The following SH3PXD2B variants were observed in gnomAD, a reference collection of about 807,000 sequenced individuals.
SH3PXD2B encodes the protein SH3 and PX domains 2B, also known as SH3 and PX domain-containing protein 2B.
Under a neutral mutation model 73.1 loss-of-function variants are expected in SH3PXD2B, and 37 were observed. That is an observed-to-expected ratio of 0.51 (90% CI 0.39 to 0.67). The LOEUF (loss-of-function observed/expected upper bound fraction) is 0.67, where lower values mean the gene tolerates loss of function less well. SH3PXD2B is among the 30% of genes least tolerant of loss of function. SH3PXD2B has a pLI of 0.00. For synonymous variants in SH3PXD2B, 457 were observed against 480.5 expected, an observed-to-expected ratio of 0.95 and a Z score of 0.64; for missense variants, 1,053 against 1,197.8, an observed-to-expected ratio of 0.88 and a Z score of 1.78.
chr5:172,384,718 T>C (rs773060506), intron 4 of SH3PXD2B, among the ~76,000 whole-genome samples: 1 of 152,236 alleles, frequency 6.6e-6, no homozygotes, highest in South Asian at 2.1e-4. Flanking sequence ...TAATATTCCA[T>C]TGTCTGGATA....
chr5:172,454,234 C>T, intron 1 of SH3PXD2B, 44 bp downstream of exon 1: 1 of 1,552,326 alleles, frequency 6.4e-7, no homozygotes, highest in Non-Finnish European at 8.7e-7. Context: ...TCGCCCCCGA[C>T]GGGGCGCGGG....
rs1345354139 is a variant in SH3PXD2B at position 172,346,259 on chromosome 5, A to C, written c.1065T>G (p.Pro355=). ...RPPPRRDMTI[P]RGLNLPKPPI... is the part of the protein sequence containing the mutation. ...GCGGCTTCGGCAGGTTGAGGCCTCG[A>C]GGCTGGTACGATCACACACAGGGTT... Residue 355 remains proline, a splice_region_variant and synonymous_variant, in exon 12 of 13, where the codon CCT becomes CCG. Coordinates refer to ENST00000311601, the MANE Select transcript of SH3PXD2B (RefSeq NM_001017995.3). The C allele has an allele frequency of 6.2e-7, 1 of 1,613,718 alleles. No individual in the cohort carries two copies. Among genetic ancestry groups the C allele is most frequent in the Admixed American group, 1.7e-5 (1 of 60,014 alleles).
intron 4 of SH3PXD2B, among the ~76,000 whole-genome samples, chr5:172,392,547 G>C (rs997491293): frequency 1.1e-4 from 16 of 151,950 alleles, no homozygotes; most frequent in African/African-American, 3.9e-4. Context: ...CGAAGTGGGT[G>C]GATCACTTGA....
At chr5:172,412,413 C>T (rs1486539436) in intron 2 of SH3PXD2B, among the ~76,000 whole-genome samples, 1 of 152,202 alleles carries the variant, frequency 6.6e-6, no homozygotes, top group Non-Finnish European at 1.5e-5. Flanking sequence ...CATTTAAATA[C>T]CCTCATGTGA....
chr5:172,427,564 C>T (rs1372368091), intron 1 of SH3PXD2B, among the ~76,000 whole-genome samples: 1 of 152,006 alleles, frequency 6.6e-6, no homozygotes, highest in Non-Finnish European at 1.5e-5. Context: ...GTTGCCTAGG[C>T]TGTTATCGAA....
intron 2 of SH3PXD2B, among the ~76,000 whole-genome samples, chr5:172,412,380 T>G (rs931591096): frequency 3.9e-5 from 6 of 152,194 alleles, no homozygotes; most frequent in Non-Finnish European, 5.9e-5. Context: ...ATTTAAAAAT[T>G]TTCTTTAATT....
At chr5:172,450,738 C>T (rs80090829) in intron 1 of SH3PXD2B, among the ~76,000 whole-genome samples, 5,585 of 151,872 alleles carry the variant, frequency 0.037, 351 homozygotes, top group African/African-American at 0.13. Context: ...ACCCACAAAT[C>T]CTACCTGGAG....
intron 3 of SH3PXD2B, 40 bp from the exon 4 acceptor site, chr5:172,394,679 AGGGACAAGCT>A (rs1280240886): frequency 1.2e-6 from 2 of 1,607,254 alleles, no homozygotes; most frequent in South Asian, 2.2e-5. Flanking sequence ...GTCAGGGAAC[AGGGACAAGCT>A]CTCAGCAACC....
intron 1 of SH3PXD2B, among the ~76,000 whole-genome samples, chr5:172,451,805 G>A (rs892515631): frequency 3.9e-5 from 6 of 152,262 alleles, no homozygotes; most frequent in South Asian, 4.2e-4. Context: ...AGCAGCGGTC[G>A]CCCACCACAG....
intron 1 of SH3PXD2B, among the ~76,000 whole-genome samples, chr5:172,434,256 G>A (rs1348100632): frequency 2.0e-5 from 3 of 152,150 alleles, no homozygotes; most frequent in Non-Finnish European, 4.4e-5. Context: ...CAAATATTAT[G>A]TATCAATAAA....
At chr5:172,379,967 C>CTT (rs1757907605) in intron 5 of SH3PXD2B, among the ~76,000 whole-genome samples, 1 of 152,214 alleles carries the variant, frequency 6.6e-6, no homozygotes, top group African/African-American at 2.4e-5. Context: ...CTCTTCCAAA[C>CTT]TGTGCCTCTC....
chr5:172,348,654 CCTATCTAT>C (rs55939833), intron 10 of SH3PXD2B, among the ~76,000 whole-genome samples: 3,470 of 60,212 alleles, frequency 0.058, 76 homozygotes, highest in East Asian at 0.14. Context: ...ATCTATCTAT[CCTATCTAT>C]CTATCTATCT....
chr5:172,406,768 A>C (rs1440730189), intron 2 of SH3PXD2B, among the ~76,000 whole-genome samples: 2 of 152,352 alleles, frequency 1.3e-5, no homozygotes, highest in East Asian at 3.9e-4. Context: ...TTATGAGGGC[A>C]CTATATTCCC....
At chr5:172,450,163 A>G (rs1561588247) in intron 1 of SH3PXD2B, among the ~76,000 whole-genome samples, 1 of 152,220 alleles carries the variant, frequency 6.6e-6, no homozygotes, top group Non-Finnish European at 1.5e-5. Context: ...TACTTTAAAA[A>G]TAAGTGAATT....
intron 12 of SH3PXD2B, among the ~76,000 whole-genome samples, chr5:172,344,270 CAG>C (rs2113269062): frequency 6.6e-6 from 1 of 152,182 alleles, no homozygotes; most frequent in South Asian, 2.1e-4. Context: ...AAGAGAAAAA[CAG>C]AGCATATGGA....
intron 1 of SH3PXD2B, among the ~76,000 whole-genome samples, chr5:172,428,212 A>T (rs1759147404): frequency 6.6e-6 from 1 of 152,244 alleles, no homozygotes; most frequent in Admixed American, 6.5e-5. Context: ...ACTTCTATGC[A>T]GAATACATTT....
chr5:172,397,773 A>C (rs1758337929), intron 3 of SH3PXD2B, among the ~76,000 whole-genome samples: 1 of 152,198 alleles, frequency 6.6e-6, no homozygotes, highest in South Asian at 2.1e-4. Context: ...TGGGGGGCTG[A>C]AATTAATATT....
At chr5:172,325,197 T>G (rs1370895536) in exon 13 of SH3PXD2B, 1 of 1,057,018 alleles carries the variant, frequency 9.5e-7, no homozygotes, top group Non-Finnish European at 1.4e-6. Flanking sequence ...ATTACGCATA[T>G]TTTACCACGA....
Position 172,434,991 on chromosome 5 carries a change from C to T in SH3PXD2B, c.76-12495G>A, listed in dbSNP as rs557281122. Among the ~76,000 whole-genome samples the T allele has an allele frequency of 3.9e-5, 6 of 152,030 alleles. No individual in the cohort carries two copies. In the East Asian group the frequency reaches 1.2e-3, roughly 29 times the overall value. On this transcript the variant is annotated intron_variant, in intron 1 of 12. Coordinates refer to ENST00000311601, the MANE Select transcript of SH3PXD2B (RefSeq NM_001017995.3). ...GTAGAGATGGGGTTTCGCCATGTTGCTCAGGCTGGTCTCAAACTTCTGAGC... is the reference window on the plus strand; with the variant it reads ...GTAGAGATGGGGTTTCGCCATGTTGTTCAGGCTGGTCTCAAACTTCTGAGC...
Sources: gnomAD v4.1 joint callset for allele counts (sites outside exome capture counted in the v4.1 genomes callset) on GRCh38, gnomAD v4.1.1 for gene constraint, MANE v1.5 for transcripts, NCBI Gene and HGNC (gene_info 2026-07-23, HGNC 2026-07-21) for gene names.